Variants in NUP205 observed in about 807,000 individuals in gnomAD.
NUP205 encodes the protein nucleoporin 205.
A neutral mutation model predicts 253.8 loss-of-function variants in NUP205; 76 were observed. The observed-to-expected ratio is 0.30, with a 90% CI of 0.25 to 0.36. NUP205 has a LOEUF of 0.36. NUP205 is among the 10% of genes least tolerant of loss of function. The pLI is 1.00. For missense variants in NUP205, 2,162 were observed against 2,425.5 expected (o/e 0.89, Z 2.28); for synonymous variants, 832 against 850.1 (o/e 0.98, Z 0.37).
At chr7:135,608,980 T>C (rs1794158508) in intron 22 of NUP205, among the ~76,000 whole-genome samples, 1 of 150,598 alleles carries the variant, frequency 6.6e-6, no homozygotes, top group Non-Finnish European at 1.5e-5. Flanking sequence ...TGTGGACGCC[T>C]GTAATCCTAG....
chr7:135,639,338 C>T (rs1442139647), intron 38 of NUP205, among the ~76,000 whole-genome samples: 1 of 152,016 alleles, frequency 6.6e-6, no homozygotes, highest in African/African-American at 2.4e-5. Flanking sequence ...CTGAAAATTA[C>T]TTAATCACAA....
intron 22 of NUP205, among the ~76,000 whole-genome samples, chr7:135,608,130 G>A (rs1468848535): frequency 1.3e-5 from 2 of 149,738 alleles, no homozygotes; most frequent in Admixed American, 6.7e-5. Flanking sequence ...AGGCTCAAGC[G>A]ATTCTCCTGC....
rs1376005296 is a variant in NUP205, at chr7:135,615,859, CTG to C, written c.3311-55_3311-54del. 4.3e-6 allele frequency: 5 copies of C among 1,160,094 alleles called. No homozygotes were observed. The African/African-American group carries it at 6.3e-5, about 15-fold the overall frequency. The allele number at this position is 1,160,094 out of a possible 1,614,324, so 71.9% of individuals were successfully genotyped here. A position where few individuals can be genotyped will look rare whatever the true frequency, so the allele number is the denominator to read the frequency against. On this transcript the variant is annotated intron_variant, in intron 23 of 42. Transcript: ENST00000285968. ...ATCTGTTGAGTTACAGAATTTAAGT[CTG>C]TTTTGATACTGTGTTATTACTCTGG...
chr7:135,617,778 T>C (rs1288140479), intron 27 of NUP205, 96 bp downstream of exon 27: 2 of 636,544 alleles, frequency 3.1e-6, no homozygotes, highest in African/African-American at 1.9e-5. Flanking sequence ...AGTTTGCTAA[T>C]TAGTAAGCTG....
chr7:135,558,385 G>C (rs1434249532), intron 1 of NUP205, among the ~76,000 whole-genome samples: 1 of 152,232 alleles, frequency 6.6e-6, no homozygotes, highest in Non-Finnish European at 1.5e-5. Flanking sequence ...AGGCGTCGGA[G>C]TTCCTTATAG....
chr7:135,635,786 A>G, intron 36 of NUP205, 129 bp downstream of exon 36: 3 of 530,616 alleles, frequency 5.7e-6, no homozygotes, highest in Middle Eastern at 5.0e-4. Flanking sequence ...TTTCTAAATA[A>G]TATGCTTATA....
In NUP205 at chr7:135,630,359, A is replaced by G. The variant is rs1794684176; in HGVS notation, c.4948A>G (p.Ile1650Val). The G allele has an allele frequency of 1.3e-6, 2 of 1,589,294 alleles. No individual in the cohort carries two copies. The highest frequency in any genetic ancestry group is 1.7e-6 in the Non-Finnish European group (2 of 1,170,104). ...AATGGCTTAGGTATTGCAGTTTCTT[A>G]TTTCACATTCTGATACCATACAAGC... ...QAAGQVLQFL[I>V]SHSDTIQAIL... Residue 1650 changes from isoleucine (I) to valine (V), a missense_variant, in exon 35 of 43, where the codon ATT becomes GTT. Transcript: ENST00000285968.
chr7:135,641,066 A>C (rs1794907920), intron 38 of NUP205, among the ~76,000 whole-genome samples: 1 of 152,146 alleles, frequency 6.6e-6, no homozygotes, highest in Non-Finnish European at 1.5e-5. Flanking sequence ...GATAGGATAA[A>C]AAGGGGCCAC....
At chr7:135,573,916 C>T (rs1486611153) in intron 3 of NUP205, 91 bp downstream of exon 3, 6 of 1,018,102 alleles carry the variant, frequency 5.9e-6, no homozygotes, top group Non-Finnish European at 8.7e-6. Context: ...TAGATTCTAT[C>T]ATAGTTTCTA....
intron 7 of NUP205, among the ~76,000 whole-genome samples, chr7:135,582,566 C>G (rs1315945382): frequency 2.0e-5 from 3 of 151,990 alleles, no homozygotes; most frequent in Admixed American, 6.6e-5. Context: ...GCTCAGTGGC[C>G]TCAACCTCCA....
At chr7:135,601,291 C>G (rs1017420988) in intron 16 of NUP205, 79 bp from the exon 17 acceptor site, 66 of 1,286,898 alleles carry the variant, frequency 5.1e-5, no homozygotes, top group Non-Finnish European at 7.1e-5. Flanking sequence ...ATTTACAAGT[C>G]TCATACATTT....
chr7:135,623,390 TTC>T (rs1251112668), intron 31 of NUP205, among the ~76,000 whole-genome samples: 1 of 152,278 alleles, frequency 6.6e-6, no homozygotes, highest in African/African-American at 2.4e-5. Context: ...AATTTGAGAC[TTC>T]TGTTTTATTT....
chr7:135,563,116 A>G (rs936777297), intron 1 of NUP205, among the ~76,000 whole-genome samples: 2 of 152,014 alleles, frequency 1.3e-5, no homozygotes, highest in African/African-American at 4.8e-5. Flanking sequence ...CTATTATGTG[A>G]TCTCTTGCCC....
At chr7:135,581,617 T>A (rs1806305842) in intron 7 of NUP205, among the ~76,000 whole-genome samples, 1 of 151,822 alleles carries the variant, frequency 6.6e-6, no homozygotes, top group African/African-American at 2.4e-5. Context: ...TTTGGGAGGA[T>A]GAGGCAGGTG....
chr7:135,629,760 C>T (rs1226653995), intron 34 of NUP205, among the ~76,000 whole-genome samples: 3 of 152,102 alleles, frequency 2.0e-5, no homozygotes, highest in Non-Finnish European at 4.4e-5. Context: ...CTCCTGACCT[C>T]AGGTGATACC....
intron 7 of NUP205, among the ~76,000 whole-genome samples, chr7:135,582,508 A>T (rs1005263159): frequency 6.6e-6 from 1 of 152,098 alleles, no homozygotes; most frequent in Non-Finnish European, 1.5e-5. Flanking sequence ...TTTGTTTGAG[A>T]TAGTGGCTTC....
At chr7:135,588,629 G>A (rs1806538368) in intron 10 of NUP205, among the ~76,000 whole-genome samples, 1 of 150,756 alleles carries the variant, frequency 6.6e-6, no homozygotes, top group Admixed American at 6.7e-5. Flanking sequence ...TGACCAGGCT[G>A]GTCTGTAATT....
chr7:135,592,957 A>G, intron 11 of NUP205, 30 bp from the exon 12 acceptor site: 1 of 1,459,634 alleles, frequency 6.9e-7, no homozygotes, highest in East Asian at 2.3e-5. Flanking sequence ...ATGTTTTTTA[A>G]ATAAAATTCT....
chr7:135,568,892 C>T (rs1805862359), intron 1 of NUP205, among the ~76,000 whole-genome samples: 2 of 152,196 alleles, frequency 1.3e-5, no homozygotes, highest in Admixed American at 1.3e-4. Context: ...ATTCCTTAGC[C>T]AACTCTGACC....
Sources: gnomAD v4.1 joint callset for allele counts (sites outside exome capture counted in the v4.1 genomes callset) on GRCh38, gnomAD v4.1.1 for gene constraint, MANE v1.5 for transcripts, NCBI Gene and HGNC (gene_info 2026-07-23, HGNC 2026-07-21) for gene names.